The following PDE11A variants were observed in gnomAD, a reference collection of about 807,000 sequenced individuals.
The protein encoded by PDE11A is dual 3',5'-cyclic-AMP and -GMP phosphodiesterase 11A.
In PDE11A, 100 loss-of-function variants were observed where a neutral mutation model predicts 100.5. The ratio of observed to expected loss-of-function variants is 1.00; its 90% CI spans 0.85 to 1.18. PDE11A has a LOEUF of 1.18. Among genes scored for constraint, PDE11A ranks in the 50% most tolerant of loss-of-function variants. The pLI, the probability that PDE11A is intolerant of heterozygous loss-of-function variation, is 0.00. For missense variants in PDE11A, 1,141 were observed against 1,152.6 expected (o/e 0.99, Z 0.15); for synonymous variants, 381 against 420.8 (o/e 0.91, Z 1.16).
chr2:177,656,523 T>C (rs954918807), intron 19 of PDE11A, among the ~76,000 whole-genome samples: 2 of 151,380 alleles, frequency 1.3e-5, no homozygotes, highest in African/African-American at 4.9e-5. Flanking sequence ...AATGACATTA[T>C]AAGCTTACTT....
chr2:177,979,666 A>G (rs2105801952), intron 2 of PDE11A, among the ~76,000 whole-genome samples: 1 of 129,226 alleles, frequency 7.7e-6, no homozygotes, highest in East Asian at 2.3e-4. Flanking sequence ...CCTGGAGTGC[A>G]GTGGCGCAAT....
At position 177,972,962 on chromosome 2, in the gene PDE11A, T is replaced by C. The variant is rs375866077; in HGVS notation, c.1071+41340A>G. Among the ~76,000 whole-genome samples the C allele has an allele frequency of 1.8e-3, 279 of 152,236 alleles. 4 individuals are homozygous for C. The South Asian group carries it at 0.056, about 31-fold the overall frequency. ...GAGAGATGGGGAAAGCTTCATGAGA[T>C]AGGGCCAGAGTGGATAAGGCAGTTT... is the stretch of plus-strand genomic sequence containing the variant. On this transcript the variant is annotated intron_variant, in intron 2 of 19. Coordinates refer to ENST00000286063, the MANE Select transcript of PDE11A (RefSeq NM_016953.4).
intron 9 of PDE11A, among the ~76,000 whole-genome samples, chr2:177,804,001 A>T (rs979039562): frequency 2.0e-5 from 3 of 152,050 alleles, no homozygotes; most frequent in Non-Finnish European, 4.4e-5. Context: ...ACCTCAAATT[A>T]TAAAAATCTC....
chr2:177,972,848 G>C (rs1156934672), intron 2 of PDE11A, among the ~76,000 whole-genome samples: 2 of 152,204 alleles, frequency 1.3e-5, no homozygotes, highest in Non-Finnish European at 2.9e-5. Context: ...GACTAGGGTA[G>C]AGGTTGGTAG....
intron 2 of PDE11A, among the ~76,000 whole-genome samples, chr2:177,910,426 CTCTATA>C (rs1285981193): frequency 2.2e-4 from 19 of 87,910 alleles, no homozygotes; most frequent in Middle Eastern, 6.2e-3. Flanking sequence ...CTCTCTCTCT[CTCTATA>C]TATATATATA....
intron 9 of PDE11A, among the ~76,000 whole-genome samples, chr2:177,813,166 G>A (rs182165207): frequency 3.3e-5 from 5 of 152,150 alleles, no homozygotes; most frequent in East Asian, 1.9e-4. Flanking sequence ...ATCTTTCAGC[G>A]TGCACTGTCT....
chr2:177,806,737 T>C (rs1407203778), intron 9 of PDE11A, among the ~76,000 whole-genome samples: 1 of 152,000 alleles, frequency 6.6e-6, no homozygotes, highest in Non-Finnish European at 1.5e-5. Context: ...GAATACGAAA[T>C]AACAATTATA....
At chr2:177,875,526 C>G (rs7569124) in intron 5 of PDE11A, among the ~76,000 whole-genome samples, 4 of 150,714 alleles carry the variant, frequency 2.7e-5, no homozygotes, top group Non-Finnish European at 4.4e-5. Flanking sequence ...CACAGGCACC[C>G]GCCACCATGC....
chr2:177,716,518 C>G (rs889110215), intron 12 of PDE11A, among the ~76,000 whole-genome samples: 3 of 152,154 alleles, frequency 2.0e-5, no homozygotes, highest in African/African-American at 7.2e-5. Context: ...ATTTCTTTCT[C>G]TCCGTATTAT....
chr2:177,790,652 C>CT (rs2082615811), intron 9 of PDE11A, among the ~76,000 whole-genome samples: 1 of 152,080 alleles, frequency 6.6e-6, no homozygotes, highest in South Asian at 2.1e-4. Flanking sequence ...TGACAAAGGG[C>CT]TAATATCCAG....
intron 19 of PDE11A, among the ~76,000 whole-genome samples, chr2:177,637,922 TACATA>T: frequency 7.0e-6 from 1 of 143,592 alleles, no homozygotes; most frequent in South Asian, 2.2e-4. Flanking sequence ...TATATACACA[TACATA>T]TATACATATA....
intron 6 of PDE11A, among the ~76,000 whole-genome samples, chr2:177,829,209 CTG>C (rs2083272061): frequency 6.6e-6 from 1 of 151,896 alleles, no homozygotes. Flanking sequence ...GGGCAGGAGA[CTG>C]TGGCCTGTGC....
At chr2:178,092,753 A>G (rs1233480000) in intron 2 of PDE11A, 1 of 152,316 alleles carries the variant, frequency 6.6e-6, no homozygotes, top group Non-Finnish European at 1.5e-5. Context: ...GGCATGCACC[A>G]ACATGCCTAG....
At chr2:177,897,147 T>C (rs575014739) in intron 4 of PDE11A, among the ~76,000 whole-genome samples, 1 of 151,994 alleles carries the variant, frequency 6.6e-6, no homozygotes, top group East Asian at 1.9e-4. Context: ...CTGTCAGGTA[T>C]TAAAGCAAAT....
intron 10 of PDE11A, among the ~76,000 whole-genome samples, chr2:177,750,982 T>G (rs573673331): frequency 6.6e-6 from 1 of 152,082 alleles, no homozygotes; most frequent in Non-Finnish European, 1.5e-5. Context: ...TGGTCTGGGG[T>G]GACATCCAGG....
intron 9 of PDE11A, among the ~76,000 whole-genome samples, chr2:177,812,827 T>A (rs1030440950): frequency 2.6e-5 from 4 of 152,140 alleles, no homozygotes; most frequent in East Asian, 1.9e-4. Flanking sequence ...AAGGAGAAAT[T>A]CCTAAGAGAT....
At chr2:177,840,994 T>C (rs2083482631) in intron 5 of PDE11A, among the ~76,000 whole-genome samples, 1 of 152,230 alleles carries the variant, frequency 6.6e-6, no homozygotes, top group South Asian at 2.1e-4. Context: ...CAATAGCCCA[T>C]ATACCACTTA....
chr2:177,837,463 ACTTT>A (rs954170658), intron 6 of PDE11A, among the ~76,000 whole-genome samples: 6 of 147,064 alleles, frequency 4.1e-5, no homozygotes, highest in Admixed American at 1.3e-4. Context: ...GAGAATGGGT[ACTTT>A]CTTTCTTTCT....
rs1398283448 is a variant in PDE11A at position 177,887,518 on chromosome 2, C to A, written c.1302+10540G>T. 4.6e-5 allele frequency among the ~76,000 whole-genome samples: 7 copies of A among 152,030 alleles called. No homozygotes were observed. In the East Asian group the frequency reaches 1.4e-3, roughly 30 times the overall value. ...GTGGCTCATGCTTGTAATCCCAACA[C>A]TTTGGGAGGCCAAAGTGGAAGGATT... is the stretch of plus-strand genomic sequence containing the variant. On this transcript the variant is annotated intron_variant, in intron 4 of 19. Transcript: ENST00000286063.
Sources: allele counts gnomAD v4.1 joint callset (sites outside exome capture counted in the v4.1 genomes callset), GRCh38; gene constraint gnomAD v4.1.1; transcripts MANE v1.5; gene names NCBI Gene and HGNC (gene_info 2026-07-23, HGNC 2026-07-21).